ACAD11: variants seen among roughly 807,000 people sequenced by gnomAD.
The protein encoded by ACAD11 is acyl-Coenzyme A dehydrogenase family, member 11.
Under a neutral mutation model 102.2 loss-of-function variants are expected in ACAD11, and 83 were observed. The observed-to-expected ratio is 0.81, with a 90% CI of 0.68 to 0.97. ACAD11 has a LOEUF of 0.97. Among genes scored for constraint, ACAD11 ranks in the 50% least tolerant of loss-of-function variants. ACAD11 has a pLI of 0.00. For synonymous variants in ACAD11, 324 were observed against 319.8 expected (o/e 1.01, Z -0.14); for missense variants, 901 against 951.7 (o/e 0.95, Z 0.70).
chr3:132,565,791 C>T (rs1359709070), intron 17 of ACAD11, among the ~76,000 whole-genome samples: 1 of 152,132 alleles, frequency 6.6e-6, no homozygotes, highest in Non-Finnish European at 1.5e-5. Context: ...CCTTATCTCT[C>T]GTTCCCTCTG....
chr3:132,598,057 A>G (rs1438128589), intron 13 of ACAD11, among the ~76,000 whole-genome samples: 3 of 152,220 alleles, frequency 2.0e-5, no homozygotes, highest in Admixed American at 6.5e-5. Flanking sequence ...GTTAGCAAAC[A>G]TAAGAACATT....
At chr3:132,652,658 T>G (rs751282761) in intron 1 of ACAD11, among the ~76,000 whole-genome samples, 2 of 151,942 alleles carry the variant, frequency 1.3e-5, no homozygotes, top group Non-Finnish European at 2.9e-5. Flanking sequence ...AATAAACAGA[T>G]CATGAGAAAA....
chr3:132,634,739 A>C (rs1314722310), intron 5 of ACAD11, among the ~76,000 whole-genome samples: 1 of 152,188 alleles, frequency 6.6e-6, no homozygotes, highest in Non-Finnish European at 1.5e-5. Context: ...AAAAATGATG[A>C]GTTCATGTCT....
At chr3:132,633,216 T>C (rs1234883111) in intron 5 of ACAD11, among the ~76,000 whole-genome samples, 1 of 152,218 alleles carries the variant, frequency 6.6e-6, no homozygotes, top group Non-Finnish European at 1.5e-5. Context: ...GGGTTTGTCA[T>C]AGATAGCTCT....
intron 5 of ACAD11, among the ~76,000 whole-genome samples, chr3:132,633,426 A>T (rs936116590): frequency 6.6e-6 from 1 of 152,090 alleles, no homozygotes; most frequent in Non-Finnish European, 1.5e-5. Context: ...GATGAAGCCC[A>T]CTTGGTCATG....
At chr3:132,580,632 T>TA (rs1480322286) in intron 13 of ACAD11, among the ~76,000 whole-genome samples, 3 of 152,014 alleles carry the variant, frequency 2.0e-5, no homozygotes, top group Admixed American at 2.0e-4. Context: ...TGATATTAAG[T>TA]AATTTTAGGT....
intron 17 of ACAD11, among the ~76,000 whole-genome samples, chr3:132,575,375 T>C (rs558316987): frequency 6.6e-6 from 1 of 152,246 alleles, no homozygotes; most frequent in South Asian, 2.1e-4. Context: ...TTTCCCTGAG[T>C]TTTGGGCTGT....
chr3:132,642,850 G>A (rs970549467), intron 2 of ACAD11, 48 bp from the exon 3 acceptor site: 1 of 1,548,654 alleles, frequency 6.5e-7, no homozygotes, highest in Non-Finnish European at 8.8e-7. Flanking sequence ...TGATTTAATT[G>A]TAATTAAATT....
chr3:132,641,698 G>GGAAGAGGAAGAGGAA (rs781004918), intron 4 of ACAD11, among the ~76,000 whole-genome samples: 7 of 116,700 alleles, frequency 6.0e-5, no homozygotes, highest in Non-Finnish European at 1.2e-4. Flanking sequence ...AAGAGGAAGA[G>GGAAGAGGAAGAGGAA]GAAGAAGAAG....
chr3:132,622,269 A>G lies in ACAD11; in HGVS notation c.1198-2724T>C, dbSNP rs144488611. On this transcript the variant is annotated intron_variant, in intron 9 of 19. Transcript: ENST00000264990. ...CATGGCTAGTCTAGAGTATTGCAGT[A>G]TTTAATGAAAACCTCAAGAAGGCAA... is the stretch of plus-strand genomic sequence containing the variant. 5.7e-3 allele frequency among the ~76,000 whole-genome samples: 875 copies of G among 152,282 alleles called. 3 individuals carry two copies. The highest frequency in any genetic ancestry group is 0.02 in the African/African-American group (829 of 41,546).
chr3:132,630,370 C>G (rs1293714239), intron 7 of ACAD11, 67 bp downstream of exon 7: 6 of 1,461,660 alleles, frequency 4.1e-6, no homozygotes, highest in African/African-American at 2.9e-5. Context: ...ACCCGGAAGA[C>G]TGGAAAACAT....
At chr3:132,650,950 C>G (rs1243250714) in intron 1 of ACAD11, among the ~76,000 whole-genome samples, 4 of 152,190 alleles carry the variant, frequency 2.6e-5, no homozygotes, top group African/African-American at 4.8e-5. Flanking sequence ...CTCCTGATAT[C>G]CTTCCACTGT....
intron 11 of ACAD11, among the ~76,000 whole-genome samples, chr3:132,617,883 A>G (rs549112999): frequency 2.0e-5 from 3 of 152,154 alleles, no homozygotes; most frequent in Admixed American, 2.0e-4. Context: ...TTTCTGTTCC[A>G]TCTACTATAA....
intron 1 of ACAD11, among the ~76,000 whole-genome samples, chr3:132,651,099 G>C (rs569424107): frequency 7.2e-4 from 109 of 152,276 alleles, no homozygotes; most frequent in African/African-American, 2.5e-3. Flanking sequence ...TTAAGTGGTA[G>C]ATGTTTTTCC....
In ACAD11 at chr3:132,634,973, G is replaced by A. The variant is rs147830346; in HGVS notation, c.703-3494C>T. Among the ~76,000 whole-genome samples, 148 of 151,362 alleles carry A rather than the reference G, an allele frequency of 9.8e-4. 2 individuals carry two copies. The East Asian group carries it at 0.027, about 28-fold the overall frequency. ...AATGCTAAATGACGAGTTAATGGGTGCAGCACACCAACATGGCACATGTAT... is the reference window on the plus strand; with the variant it reads ...AATGCTAAATGACGAGTTAATGGGTACAGCACACCAACATGGCACATGTAT... On this transcript the variant is annotated intron_variant, in intron 5 of 19. Coordinates refer to ENST00000264990, the MANE Select transcript of ACAD11 (RefSeq NM_032169.5).
At chr3:132,658,298 A>G (rs1937926289) in intron 1 of ACAD11, among the ~76,000 whole-genome samples, 1 of 152,160 alleles carries the variant, frequency 6.6e-6, no homozygotes, top group South Asian at 2.1e-4. Flanking sequence ...TGGGATCCAG[A>G]GTTCCATATA....
intron 1 of ACAD11, chr3:132,647,488 T>G (rs1559977262): frequency 6.6e-6 from 1 of 152,182 alleles, no homozygotes; most frequent in Non-Finnish European, 1.5e-5. Flanking sequence ...GAGAAGACTT[T>G]AAACAGACAA....
intron 1 of ACAD11, among the ~76,000 whole-genome samples, chr3:132,652,095 G>T (rs1172307722): frequency 2.6e-5 from 4 of 152,166 alleles, no homozygotes; most frequent in Non-Finnish European, 5.9e-5. Flanking sequence ...ATCTTATCTT[G>T]AATTGTAGCT....
At chr3:132,636,954 A>G (rs1409371206) in intron 5 of ACAD11, among the ~76,000 whole-genome samples, 1 of 152,186 alleles carries the variant, frequency 6.6e-6, no homozygotes, top group African/African-American at 2.4e-5. Flanking sequence ...GAGTTTGAGA[A>G]GAAGGGAAAA....
Sources: allele counts gnomAD v4.1 joint callset (sites outside exome capture counted in the v4.1 genomes callset), GRCh38; gene constraint gnomAD v4.1.1; transcripts MANE v1.5; gene names NCBI Gene and HGNC (gene_info 2026-07-23, HGNC 2026-07-21).